Variants in HSPB7 observed in about 807,000 individuals in gnomAD.
HSPB7 encodes the protein heat shock protein family B (small) member 7.
Under a neutral mutation model 11.0 loss-of-function variants are expected in HSPB7, and 9 were observed. The ratio of observed to expected loss-of-function variants is 0.82; its 90% CI spans 0.49 to 1.43. The LOEUF is 1.43. HSPB7 is among the 40% of genes most tolerant of loss of function. The probability of loss-of-function intolerance (pLI) is 0.00; values close to 1 mark genes in which losing one functional copy is unlikely to be tolerated. For missense variants in HSPB7, 246 were observed against 243.9 expected, an observed-to-expected ratio of 1.01 and a Z score of -0.06; for synonymous variants, 102 against 101.6, an observed-to-expected ratio of 1.00 and a Z score of -0.02.
upstream of HSPB7, chr1:16,019,233 T>A (rs1385444947): frequency 3.2e-6 from 5 of 1,549,514 alleles, no homozygotes; most frequent in East Asian, 1.2e-4. Flanking sequence ...TCCAAATCCG[T>A]CCCTTCCGTC....
chr1:16,016,196 C>T (rs902552853), intron 2 of HSPB7, among the ~76,000 whole-genome samples: 37 of 152,206 alleles, frequency 2.4e-4, no homozygotes, highest in Middle Eastern at 3.2e-3. Context: ...GAGTTTGGGG[C>T]GGCTGAGTCA....
rs778623045 is a variant in HSPB7 at position 16,015,733 on chromosome 1, G to T, written c.360C>A (p.Asn120Lys). The stretch of plus-strand genomic sequence containing the variant: ...GCAGCTGGCACTTGTGAGCGAAGGT[G>T]TTCATGACAGTGCCGTCAGCCGCCA... ...EKLAADGTVM[N>K]TFAHKCQLPE... Residue 120 changes from asparagine (N) to lysine (K), a missense_variant, in exon 3 of 3, where the codon AAC becomes AAA. Coordinates refer to ENST00000311890, the MANE Select transcript of HSPB7 (RefSeq NM_014424.5). This position sits in a 1 kb window ranked among gnomAD's most constrained non-coding sequence, Gnocchi z 4.9. 2 of 1,598,798 alleles carry T rather than the reference G, an allele frequency of 1.3e-6. No individual in the cohort carries two copies. The highest frequency in any genetic ancestry group is 1.7e-6 in the Non-Finnish European group (2 of 1,169,962).
In HSPB7 at chr1:16,015,488, G is replaced by C. The variant is rs2021633640; in HGVS notation, c.*92C>G. On this transcript the variant is annotated 3_prime_UTR_variant, in exon 3 of 3. Transcript: ENST00000311890. This position sits in a 1 kb window ranked among gnomAD's most constrained non-coding sequence, Gnocchi z 4.9. ...GGGGTGCGTGGGGGCTAGAACCTGGGCTGAGATGTCCTGGAGCTGTTGTAA... is the reference window on the plus strand; with the variant it reads ...GGGGTGCGTGGGGGCTAGAACCTGGCCTGAGATGTCCTGGAGCTGTTGTAA... 7.8e-7 allele frequency: 1 copy of C among 1,285,082 alleles called. No homozygotes were observed. The highest frequency in any genetic ancestry group is 1.1e-6 in the Non-Finnish European group (1 of 904,808). The allele number at this position is 1,285,082 out of a possible 1,614,324, so 79.6% of individuals were successfully genotyped here. A position where few individuals can be genotyped will look rare whatever the true frequency, so the allele number is the denominator to read the frequency against.
At chr1:16,019,478 A>C (rs1305835203), upstream of HSPB7, 2 of 1,539,010 alleles carry the variant, frequency 1.3e-6, no homozygotes, top group South Asian at 2.4e-5. Context: ...ATTAGATTGA[A>C]GGTTCTTGAA....
chr1:16,015,162 T>C lies in HSPB7; in HGVS notation c.*418A>G. On this transcript the variant is annotated 3_prime_UTR_variant, in exon 3 of 3. Coordinates refer to ENST00000311890, the MANE Select transcript of HSPB7 (RefSeq NM_014424.5). This position sits in a 1 kb window ranked among gnomAD's most constrained non-coding sequence, Gnocchi z 4.9. ...GTGACCTTCCCTCTGTCCCTCCCACTCCCCTTGGCCAAGAGGGTTCCAGGT... is the reference window on the plus strand; with the variant it reads ...GTGACCTTCCCTCTGTCCCTCCCACCCCCCTTGGCCAAGAGGGTTCCAGGT... 1 of 162,458 alleles carries C rather than the reference T, an allele frequency of 6.2e-6. No individual in the cohort carries two copies. The highest frequency in any genetic ancestry group is 1.4e-5 in the Non-Finnish European group (1 of 74,004). 10.1% of individuals were successfully genotyped at this position (162,458 alleles called of 1,614,324 possible). A position where few individuals can be genotyped will look rare whatever the true frequency, so the allele number is the denominator to read the frequency against.
chr1:16,018,054 G>C (rs772050897), upstream of HSPB7: 2 of 1,601,126 alleles, frequency 1.2e-6, no homozygotes, highest in African/African-American at 1.3e-5. Context: ...GCCAGGCTCC[G>C]ACTGCGGCCG....
At position 16,017,812 on chromosome 1, in the gene HSPB7, T is replaced by C. The variant is rs145856313; in HGVS notation, c.152A>G (p.Asp51Gly). Residue 51 changes from aspartate to glycine, a missense_variant, in exon 1 of 3, where the codon GAC becomes GGC. Physicochemically the swap from Asp to Gly is moderately conservative, Grantham distance 94. Transcript: ENST00000311890. The part of the protein sequence containing the change: ...MEKALSMFSD[D>G]FGSFMRPHSE... ...GTGGGGCCGCATGAAGCTGCCAAAG[T>C]CATCGGAAAACATGCTCAGGGCCTT... is the stretch of plus-strand genomic sequence containing the variant. 863 of 1,613,284 alleles carry C rather than the reference T, an allele frequency of 5.3e-4. 7 individuals carry two copies. The African/African-American group carries it at 9.7e-3, about 18-fold the overall frequency.
In HSPB7 at chr1:16,014,277, A is replaced by C. The variant is rs2021533563; in HGVS notation, c.*1303T>G. 1 of 152,244 alleles carries C rather than the reference A, an allele frequency of 6.6e-6. No individual in the cohort carries two copies. The highest frequency in any genetic ancestry group is 1.5e-5 in the Non-Finnish European group (1 of 68,072). The allele number at this position is 152,244 out of a possible 1,614,324, so 9.4% of individuals were successfully genotyped here. A position where few individuals can be genotyped will look rare whatever the true frequency, so the allele number is the denominator to read the frequency against. On this transcript the variant is annotated 3_prime_UTR_variant, in exon 3 of 3. Coordinates refer to ENST00000311890, the MANE Select transcript of HSPB7 (RefSeq NM_014424.5). The stretch of plus-strand genomic sequence containing the variant: ...GAAACCAAGAGTCATTGGGGGCAGC[A>C]GGCATTTCCCAGGGTTAAGGCTGAT...
In HSPB7 at chr1:16,017,098, G is replaced by A. The variant is rs1271068921; in HGVS notation, c.309C>T (p.Asn103=). The A allele has an allele frequency of 6.2e-7, 1 of 1,612,380 alleles. No homozygotes were observed. Among genetic ancestry groups the A allele is most frequent in the Non-Finnish European group, 8.5e-7 (1 of 1,178,580 alleles). The stretch of plus-strand genomic sequence containing the variant: ...CCTTCTCAGCCCGCACCTCGATGTG[G>A]TTGTTGGAGGTGGTGACAATGATGT... ...PEDIIVTTSN[N]HIEVRAEKLA... Residue 103 remains asparagine (N), a synonymous_variant, in exon 2 of 3, where the codon AAC becomes AAT. Coordinates refer to ENST00000311890, the MANE Select transcript of HSPB7 (RefSeq NM_014424.5).
upstream of HSPB7, chr1:16,019,534 G>T (rs978879377): frequency 3.4e-6 from 5 of 1,482,410 alleles, no homozygotes; most frequent in African/African-American, 4.2e-5. Context: ...ACCCAGTCTG[G>T]AGCTTCATCC....
upstream of HSPB7, chr1:16,018,135 T>A (rs1349693455): frequency 3.2e-6 from 5 of 1,544,384 alleles, no homozygotes; most frequent in Non-Finnish European, 4.4e-6. Flanking sequence ...GGCCTCTCCA[T>A]GGCCCAGAGG....
chr1:16,018,907 G>C (rs1198742606), upstream of HSPB7: 1 of 1,230,220 alleles, frequency 8.1e-7, no homozygotes, highest in Non-Finnish European at 1.1e-6. Flanking sequence ...CTGGGAGGGT[G>C]GAGGGGCTCT....
At chr1:16,016,066 A>C (rs558954727) in intron 2 of HSPB7, among the ~76,000 whole-genome samples, 1 of 152,314 alleles carries the variant, frequency 6.6e-6, no homozygotes, top group African/African-American at 2.4e-5. Flanking sequence ...CTCCTGGGGA[A>C]CGTGGAGGTG....
In HSPB7 at chr1:16,017,646, T is replaced by C. The variant is rs892685975; in HGVS notation, c.199+119A>G. 296 of 804,928 alleles carry C rather than the reference T, an allele frequency of 3.7e-4. 1 individual carries two copies. Among genetic ancestry groups the C allele is most frequent in the Non-Finnish European group, 5.3e-4 (266 of 503,314 alleles). 49.9% of individuals were successfully genotyped at this position (804,928 alleles called of 1,614,324 possible). A position where few individuals can be genotyped will look rare whatever the true frequency, so the allele number is the denominator to read the frequency against. ...ATCTGTCTTGGTGGCCACACATGGC[T>C]GCAGGCTGTGCAGCACCTGTTCCAG... On this transcript the variant is annotated intron_variant, in intron 1 of 2. Coordinates refer to ENST00000311890, the MANE Select transcript of HSPB7 (RefSeq NM_014424.5).
upstream of HSPB7, chr1:16,018,903 G>T: frequency 8.0e-7 from 1 of 1,244,616 alleles, no homozygotes; most frequent in Non-Finnish European, 1.1e-6. Context: ...ACAGCTGGGA[G>T]GGTGGAGGGG....
intron 1 of HSPB7, 130 bp from the exon 2 acceptor site, chr1:16,017,337 A>C: frequency 1.6e-6 from 2 of 1,271,044 alleles, no homozygotes; most frequent in South Asian, 1.4e-5. Context: ...GTTTCTCCCT[A>C]AGCTCCTCCT....
At position 16,017,817 on chromosome 1, in the gene HSPB7, G is replaced by C; in HGVS notation, c.147C>G (p.Ser49=). 6.2e-7 allele frequency: 1 copy of C among 1,613,532 alleles called. No individual in the cohort carries two copies. The highest frequency in any genetic ancestry group is 1.1e-5 in the South Asian group (1 of 90,930). ...GCCGCATGAAGCTGCCAAAGTCATCGGAAAACATGCTCAGGGCCTTCTCCA... is the reference window on the plus strand; with the variant it reads ...GCCGCATGAAGCTGCCAAAGTCATCCGAAAACATGCTCAGGGCCTTCTCCA... ...PPMEKALSMF[S]DDFGSFMRPH... Residue 49 remains serine (S), a synonymous_variant, in exon 1 of 3, where the codon TCC becomes TCG. Coordinates refer to ENST00000311890, the MANE Select transcript of HSPB7 (RefSeq NM_014424.5).
upstream of HSPB7, chr1:16,018,693 G>T: frequency 9.6e-7 from 1 of 1,039,048 alleles, no homozygotes; most frequent in Non-Finnish European, 1.2e-6. Flanking sequence ...CTCCTTAAAG[G>T]TCTAGAAGGT....
chr1:16,019,115 C>T (rs766146146), upstream of HSPB7: 20 of 1,531,826 alleles, frequency 1.3e-5, no homozygotes, highest in East Asian at 2.5e-5. Context: ...CCTGCTTGCT[C>T]AGCAAAGCTG....
Sources: allele counts gnomAD v4.1 joint callset (sites outside exome capture counted in the v4.1 genomes callset), GRCh38; gene constraint gnomAD v4.1.1; non-coding constraint Gnocchi (gnomAD v3.1); transcripts MANE v1.5; gene names NCBI Gene and HGNC (gene_info 2026-07-23, HGNC 2026-07-21).